Variants in NEB observed in about 807,000 individuals in gnomAD.
NEB encodes the protein nemaline myopathy type 2.
NEB carries 512 observed loss-of-function variants against 952.2 expected under a neutral mutation model. That is an observed-to-expected ratio of 0.54 (90% CI 0.50 to 0.58). The LOEUF is 0.58. Among genes scored for constraint, NEB ranks in the 20% least tolerant of loss-of-function variants. The pLI is 0.00. For missense variants in NEB, 8,428 were observed against 9,231.1 expected (o/e 0.91, Z 3.56); for synonymous variants, 2,900 against 3,149.8 (o/e 0.92, Z 2.66).
At position 151,617,394 on chromosome 2, in the gene NEB, TA is replaced by T; in HGVS notation, c.11150del (p.Leu3717Ter). ...HVMPDTPEIM[L>X]AKLNRINYSD... ...TGTAGTTTATTCGGTTGAGTTTGGCTAACATGATTTCTGGTGTATCAGGCAT... is the reference window on the plus strand; with the variant it reads ...TGTAGTTTATTCGGTTGAGTTTGGCTACATGATTTCTGGTGTATCAGGCAT... On this transcript the variant is annotated frameshift_variant, in exon 75 of 182. Transcript: ENST00000397345. LOFTEE classifies it high-confidence loss of function. 6.4e-7 allele frequency: 1 copy of T among 1,568,692 alleles called. No individual in the cohort carries two copies. Among genetic ancestry groups the T allele is most frequent in the Non-Finnish European group, 8.7e-7 (1 of 1,154,184 alleles).
Position 151,704,647 on chromosome 2 carries a change from T to C in NEB, c.1152+2234A>G, listed in dbSNP as rs181551549. Among the ~76,000 whole-genome samples the C allele has an allele frequency of 1.3e-5, 2 of 152,344 alleles. 1 individual carries two copies. Among genetic ancestry groups the C allele is most frequent in the East Asian group, 3.9e-4 (2 of 5,186 alleles). ...TCCAGGTGCGTCCGTCACCCCTTTCTTTGAGTCGGAAAGGTAACTCTCTGA... is the reference window on the plus strand; with the variant it reads ...TCCAGGTGCGTCCGTCACCCCTTTCCTTGAGTCGGAAAGGTAACTCTCTGA... On this transcript the variant is annotated intron_variant, in intron 13 of 181. Transcript: ENST00000397345.
intron 124 of NEB, among the ~76,000 whole-genome samples, chr2:151,559,098 AAAAC>A (rs1327041585): frequency 3.0e-5 from 4 of 134,560 alleles, no homozygotes; most frequent in Non-Finnish European, 6.5e-5. Context: ...TTACAAGAAA[AAAAC>A]AAACAACCCC....
rs1205912884 is a variant in NEB, at chr2:151,514,396, G to A, written c.23049C>T (p.Ile7683=). Residue 7683 remains isoleucine (I), a synonymous_variant, in exon 159 of 182, where the codon ATC becomes ATT. Transcript: ENST00000397345. Reference sequence around the variant, plus strand: ...CCATTTCAGTGAGGCCCTTCCCACGGATGCTTTCCTCTAGATCTTTCCTGT... The same window carrying A: ...CCATTTCAGTGAGGCCCTTCCCACGAATGCTTTCCTCTAGATCTTTCCTGT... ...KEYRKDLEES[I]RGKGLTEMED... 2 of 1,613,386 alleles carry A rather than the reference G, an allele frequency of 1.2e-6. No homozygotes were observed. Among genetic ancestry groups the A allele is most frequent in the African/African-American group, 2.7e-5 (2 of 74,900 alleles).
intron 126 of NEB, 54 bp downstream of exon 126, chr2:151,553,774 G>C: frequency 6.6e-7 from 1 of 1,506,896 alleles, no homozygotes; most frequent in South Asian, 1.3e-5. Context: ...CTGCCTTCTG[G>C]GTGGGGCCGT....
At chr2:151,539,245 T>A (rs2093687678) in intron 138 of NEB, among the ~76,000 whole-genome samples, 1 of 152,170 alleles carries the variant, frequency 6.6e-6, no homozygotes, top group South Asian at 2.1e-4. Context: ...TTTGAAGTGA[T>A]AATGATGAAG....
At chr2:151,498,442 A>AAG in intron 169 of NEB, 90 bp from the exon 170 acceptor site, 1 of 861,764 alleles carries the variant, frequency 1.2e-6, no homozygotes, top group Non-Finnish European at 1.8e-6. Flanking sequence ...GGAAGGGAGG[A>AAG]AGAGAGTAAG....
At position 151,727,881 on chromosome 2, in the gene NEB, G is replaced by A. The variant is rs749153659; in HGVS notation, c.104C>T (p.Thr35Met). ...CTCATAGTCAGATGTCCTTGTTGTCGTAGTCTCATAAATTTTTGTTATTGT... is the reference window on the plus strand; with the variant it reads ...CTCATAGTCAGATGTCCTTGTTGTCATAGTCTCATAAATTTTTGTTATTGT... ...GETITKIYET[T>M]TTRTSDYEQS... Residue 35 changes from threonine (T) to methionine (M), a missense_variant, in exon 5 of 182, where the codon ACG (threonine) becomes ATG (methionine). Thr to Met is a moderately conservative substitution (Grantham distance 81). Coordinates refer to ENST00000397345, the MANE Select transcript of NEB (RefSeq NM_001164508.2). 27 of 1,613,212 alleles carry A rather than the reference G, an allele frequency of 1.7e-5. No homozygotes were observed. The highest frequency in any genetic ancestry group is 1.7e-4 in the Middle Eastern group (1 of 6,012).
At chr2:151,629,850 T>C (rs1234192389) in intron 67 of NEB, among the ~76,000 whole-genome samples, 1 of 152,148 alleles carries the variant, frequency 6.6e-6, no homozygotes, top group Admixed American at 6.5e-5. Context: ...TCAATGAACA[T>C]TAATATATAG....
At chr2:151,733,088 G>A in intron 3 of NEB, 33 bp downstream of exon 3, 1 of 1,576,384 alleles carries the variant, frequency 6.3e-7, no homozygotes, top group Non-Finnish European at 8.6e-7. Flanking sequence ...ACATAAAATA[G>A]TTTGCTGTCA....
At chr2:151,695,742 G>A in intron 17 of NEB, 60 bp from the exon 18 acceptor site, 1 of 1,289,494 alleles carries the variant, frequency 7.8e-7, no homozygotes, top group African/African-American at 1.5e-5. Flanking sequence ...AAAAATTCTT[G>A]TGTGGTACAT....
chr2:151,643,863 C>G lies in NEB; in HGVS notation c.7911G>C (p.Gln2637His), dbSNP rs771035225. Residue 2637 changes from glutamine (Q) to histidine (H), a missense_variant, in exon 57 of 182, where the codon CAG becomes CAC. Physicochemically the swap from Gln to His is conservative, Grantham distance 24 (BLOSUM62 0). Transcript: ENST00000397345. ...YLHQWTCLPDQSDVIHARQAY... is the reference protein window; with the variant it reads ...YLHQWTCLPDHSDVIHARQAY... The stretch of plus-strand genomic sequence containing the variant: ...CCTGCCGAGCATGGATGACATCGCT[C>G]TGGTCGGGCAGGCATGTCCACTGGT... The G allele has an allele frequency of 5.6e-6, 9 of 1,613,912 alleles. No individual in the cohort carries two copies. In the Admixed American group the frequency reaches 8.3e-5, roughly 15 times the overall value.
chr2:151,618,510 T>C (rs1480532621), intron 73 of NEB, 32 bp from the exon 74 acceptor site: 3 of 1,582,384 alleles, frequency 1.9e-6, no homozygotes, highest in Non-Finnish European at 2.6e-6. Context: ...ACAGATTTAT[T>C]AATTAGTGTT....
rs1352621836 is a variant in NEB at position 151,519,054 on chromosome 2, C to G, written c.22606G>C (p.Asp7536His). 1 of 1,611,192 alleles carries G rather than the reference C, an allele frequency of 6.2e-7. No individual in the cohort carries two copies. Among genetic ancestry groups the G allele is most frequent in the Non-Finnish European group, 8.5e-7 (1 of 1,177,474 alleles). The change falls in exon 155 of 182, where the codon GAC (aspartate) becomes CAC (histidine). Residue 7536 changes from aspartate to histidine, a missense_variant. By Grantham distance (81) the Asp-to-His change is moderately conservative. Transcript: ENST00000397345. The stretch of plus-strand genomic sequence containing the variant: ...ACGGGTTTGTGAAGTTTCTTCAGGT[C>G]AGCCTTGTATTTAACCTGTGTGTTA... ...NLASEVKYKADLKKLHKPVTD... is the reference protein window; with the variant it reads ...NLASEVKYKAHLKKLHKPVTD...
At position 151,553,422 on chromosome 2, in the gene NEB, C is replaced by T. The variant is rs771844407; in HGVS notation, c.19707G>A (p.Lys6569=). 6.2e-7 allele frequency: 1 copy of T among 1,613,480 alleles called. No individual in the cohort carries two copies. Among genetic ancestry groups the T allele is most frequent in the South Asian group, 1.1e-5 (1 of 91,074 alleles). Residue 6569 remains lysine (K), a synonymous_variant, in exon 127 of 182, where the codon AAG becomes AAA. Transcript: ENST00000397345. ...VWDTPEILHA[K]HAYDLRDDIK... ...CATCATCACGTAGATCATAAGCATG[C>T]TTGGCATGGAGGATTTCAGGAGTGT...
In NEB at chr2:151,614,597, T is replaced by A. The variant is rs1560452173; in HGVS notation, c.11290-10A>T. The A allele has an allele frequency of 1.2e-6, 2 of 1,608,086 alleles. No homozygotes were observed. Among genetic ancestry groups the A allele is most frequent in the East Asian group, 4.5e-5 (2 of 44,820 alleles). On this transcript the variant is annotated splice_polypyrimidine_tract_variant and intron_variant, in intron 76 of 181. Coordinates refer to ENST00000397345, the MANE Select transcript of NEB (RefSeq NM_001164508.2). ...CTTCCTTGTACTTGTACTAAAAAAATAGAGATATGAGTATAATGACAAGAA... is the reference window on the plus strand; with the variant it reads ...CTTCCTTGTACTTGTACTAAAAAAAAAGAGATATGAGTATAATGACAAGAA...
In NEB at chr2:151,565,697, G is replaced by A; in HGVS notation, c.18261+19C>T. On this transcript the variant is annotated intron_variant, in intron 115 of 181. Coordinates refer to ENST00000397345, the MANE Select transcript of NEB (RefSeq NM_001164508.2). Reference sequence around the variant, plus strand: ...TAGGAGGACAGGCATAGGTTAGAAGGAGAATAGGCTTTGCGTACCTGACTC... The same window carrying A: ...TAGGAGGACAGGCATAGGTTAGAAGAAGAATAGGCTTTGCGTACCTGACTC... 1 of 1,602,452 alleles carries A rather than the reference G, an allele frequency of 6.2e-7. No homozygotes were observed. The highest frequency in any genetic ancestry group is 8.5e-7 in the Non-Finnish European group (1 of 1,171,880).
intron 50 of NEB, 75 bp from the exon 51 acceptor site, chr2:151,655,449 T>G: frequency 2.5e-6 from 2 of 784,988 alleles, no homozygotes; most frequent in Non-Finnish European, 4.0e-6. Context: ...TATTTATATA[T>G]TAGTACTTGA....
At chr2:151,549,867 T>C (rs1323849936) in intron 129 of NEB, 127 bp from the exon 130 acceptor site, 16 of 622,184 alleles carry the variant, frequency 2.6e-5, no homozygotes, top group African/African-American at 1.8e-5. Context: ...GCTCACTGAA[T>C]TGATTTCAGG....
rs749408883 is a variant in NEB at position 151,534,211 on chromosome 2, G to T, written c.21313-665C>A. 3 of 1,611,818 alleles carry T rather than the reference G, an allele frequency of 1.9e-6. No individual in the cohort carries two copies. The South Asian group carries it at 3.3e-5, about 18-fold the overall frequency. On this transcript the variant is annotated intron_variant, in intron 142 of 181. Coordinates refer to ENST00000397345, the MANE Select transcript of NEB (RefSeq NM_001164508.2). ...TGGGCCACCGGCCAGCCCCATCACA[G>T]TACCTGACTGATCTGGTCGCCTGCG... is the stretch of plus-strand genomic sequence containing the variant.
Sources: allele counts gnomAD v4.1 joint callset (sites outside exome capture counted in the v4.1 genomes callset), GRCh38; gene constraint gnomAD v4.1.1; transcripts MANE v1.5; gene names NCBI Gene and HGNC (gene_info 2026-07-23, HGNC 2026-07-21).